CCDC91: variants seen among roughly 807,000 people sequenced by gnomAD.
CCDC91 encodes coiled-coil domain-containing protein 91.
In CCDC91, 48 loss-of-function variants were observed where a neutral mutation model predicts 63.2. That is an observed-to-expected ratio of 0.76 (90% CI 0.60 to 0.97). The LOEUF is 0.97. Among genes scored for constraint, CCDC91 ranks in the 50% least tolerant of loss-of-function variants. CCDC91 has a pLI of 0.00. For synonymous variants in CCDC91, 167 were observed against 165.8 expected, an observed-to-expected ratio of 1.01 and a Z score of -0.06; for missense variants, 500 against 494.6, an observed-to-expected ratio of 1.01 and a Z score of -0.10.
At chr12:28,394,400 A>G (rs1440666031) in intron 8 of CCDC91, among the ~76,000 whole-genome samples, 1 of 152,042 alleles carries the variant, frequency 6.6e-6, no homozygotes. Context: ...TGGGAGGTGG[A>G]GCTTGCAGTG....
intron 8 of CCDC91, among the ~76,000 whole-genome samples, chr12:28,410,229 A>T (rs1947232630): frequency 6.6e-6 from 1 of 152,158 alleles, no homozygotes; most frequent in African/African-American, 2.4e-5. Context: ...CACATTTAGG[A>T]TTATGATGTC....
intron 12 of CCDC91, among the ~76,000 whole-genome samples, chr12:28,530,107 C>T (rs1941609381): frequency 6.6e-6 from 1 of 152,176 alleles, no homozygotes; most frequent in Admixed American, 6.6e-5. Context: ...CATCTATTTC[C>T]CTTCCCCTTT....
At chr12:28,507,950 A>C (rs1310750986) in intron 12 of CCDC91, among the ~76,000 whole-genome samples, 1 of 151,894 alleles carries the variant, frequency 6.6e-6, no homozygotes, top group Non-Finnish European at 1.5e-5. Flanking sequence ...ACCTTGGGGA[A>C]AGGGGACTGA....
intron 1 of CCDC91, among the ~76,000 whole-genome samples, chr12:28,209,500 C>T (rs11513250): frequency 0.26 from 39,580 of 151,032 alleles, 5,407 homozygotes; most frequent in Non-Finnish European, 0.31. Flanking sequence ...GGTGTGATCT[C>T]GGCTCACTGC....
chr12:28,282,784 C>T (rs768542780), intron 3 of CCDC91, among the ~76,000 whole-genome samples: 3 of 152,034 alleles, frequency 2.0e-5, no homozygotes, highest in Non-Finnish European at 4.4e-5. Context: ...TCTGCCTAGG[C>T]CAATGTCCAG....
chr12:28,545,309 A>G lies in CCDC91; in HGVS notation c.1216-3754A>G, dbSNP rs141504190. The stretch of plus-strand genomic sequence containing the variant: ...TTTTGCCAAAATTCTTCTCGCCTCA[A>G]TAAAGGATAAGAAGGTCATGCCTAA... On this transcript the variant is annotated intron_variant, in intron 12 of 12. Coordinates refer to ENST00000536442, the MANE Select transcript of CCDC91 (RefSeq NM_018318.5). Among the ~76,000 whole-genome samples, 22 of 152,200 alleles carry G rather than the reference A, an allele frequency of 1.4e-4. No individual in the cohort carries two copies. The East Asian group carries it at 2.3e-3, about 16-fold the overall frequency.
chr12:28,467,924 A>C (rs1272219859), intron 11 of CCDC91, among the ~76,000 whole-genome samples: 2 of 152,042 alleles, frequency 1.3e-5, no homozygotes, highest in African/African-American at 4.8e-5. Context: ...CAACATACCA[A>C]AACCTATGTG....
At chr12:28,389,694 A>G (rs968663625) in intron 7 of CCDC91, among the ~76,000 whole-genome samples, 100 of 152,230 alleles carry the variant, frequency 6.6e-4, no homozygotes, top group African/African-American at 2.2e-3. Context: ...ATTTGGAACC[A>G]TGGCAAATAG....
At chr12:28,401,823 T>G (rs1341299008) in intron 8 of CCDC91, among the ~76,000 whole-genome samples, 7 of 152,204 alleles carry the variant, frequency 4.6e-5, no homozygotes, top group South Asian at 2.1e-4. Flanking sequence ...TCACAAAGAT[T>G]TTTTCTTGTA....
At position 28,195,323 on chromosome 12, in the gene CCDC91, G is replaced by A. The variant is rs147077108; in HGVS notation, c.-15+4682G>A. 2.1e-3 allele frequency among the ~76,000 whole-genome samples: 312 copies of A among 152,186 alleles called. 2 individuals are homozygous for A. The highest frequency in any genetic ancestry group is 7.1e-3 in the African/African-American group (294 of 41,530). The stretch of plus-strand genomic sequence containing the variant: ...CTAGACACAGAGTGCTGATTGGTGC[G>A]TTTACAAACTGTTAGCTAGACACAG... On this transcript the variant is annotated intron_variant, in intron 1 of 12. Coordinates refer to ENST00000536442, the MANE Select transcript of CCDC91 (RefSeq NM_018318.5).
intron 11 of CCDC91, among the ~76,000 whole-genome samples, chr12:28,454,839 C>T (rs772196596): frequency 6.6e-6 from 1 of 151,994 alleles, no homozygotes; most frequent in African/African-American, 2.4e-5. Flanking sequence ...AGTTTTCCTA[C>T]CAGTTTCAGT....
At chr12:28,430,620 A>T (rs1230119300) in intron 8 of CCDC91, among the ~76,000 whole-genome samples, 1 of 152,150 alleles carries the variant, frequency 6.6e-6, no homozygotes, top group African/African-American at 2.4e-5. Context: ...AGTGACCTTC[A>T]TTACAGAATT....
intron 12 of CCDC91, among the ~76,000 whole-genome samples, chr12:28,504,240 AAAAG>A (rs1479982861): frequency 6.6e-6 from 1 of 151,950 alleles, no homozygotes; most frequent in Non-Finnish European, 1.5e-5. Flanking sequence ...GTTTCAAAAA[AAAAG>A]CACTCTAGTA....
intron 7 of CCDC91, among the ~76,000 whole-genome samples, chr12:28,371,137 G>C (rs774319022): frequency 2.6e-5 from 4 of 151,538 alleles, no homozygotes; most frequent in Non-Finnish European, 5.9e-5. Context: ...ATTCTATTTT[G>C]GTGGTGGTTT....
intron 6 of CCDC91, 146 bp from the exon 7 acceptor site, chr12:28,362,292 A>G (rs1943945998): frequency 4.2e-6 from 2 of 471,346 alleles, no homozygotes; most frequent in Non-Finnish European, 7.8e-6. Flanking sequence ...ATATATATAT[A>G]TATGTTTTCT....
At chr12:28,324,674 T>G (rs1297864534) in intron 6 of CCDC91, among the ~76,000 whole-genome samples, 1 of 151,346 alleles carries the variant, frequency 6.6e-6, no homozygotes, top group East Asian at 2.1e-4. Context: ...TTTCCTTACT[T>G]GTAAAATAAT....
chr12:28,449,526 A>G lies in CCDC91; in HGVS notation c.763-635A>G, dbSNP rs201718995. The stretch of plus-strand genomic sequence containing the variant: ...TATTGAAACATCAAGTGCTTGGTCC[A>G]TGGTAACTGGTTGATAGTTATGTGA... On this transcript the variant is annotated intron_variant, in intron 8 of 12. Transcript: ENST00000536442. 7.2e-5 allele frequency among the ~76,000 whole-genome samples: 11 copies of G among 152,192 alleles called. No individual in the cohort carries two copies. The East Asian group carries it at 1.9e-3, about 27-fold the overall frequency.
chr12:28,300,036 ATTTGT>A (rs1278188220), intron 3 of CCDC91, among the ~76,000 whole-genome samples: 1 of 151,154 alleles, frequency 6.6e-6, no homozygotes, highest in Non-Finnish European at 1.5e-5. Context: ...TGGTTTTTAT[ATTTGT>A]TTTGACAGAA....
At chr12:28,286,036 A>G (rs1948894681) in intron 3 of CCDC91, among the ~76,000 whole-genome samples, 1 of 151,962 alleles carries the variant, frequency 6.6e-6, no homozygotes, top group African/African-American at 2.4e-5. Context: ...TGGGATGTGA[A>G]TCTAGTTCTC....
Sources: gnomAD v4.1 joint callset for allele counts (sites outside exome capture counted in the v4.1 genomes callset) on GRCh38, gnomAD v4.1.1 for gene constraint, MANE v1.5 for transcripts, NCBI Gene and HGNC (gene_info 2026-07-23, HGNC 2026-07-21) for gene names.